Variants in MARK3 observed in about 807,000 individuals in gnomAD.
MARK3 encodes microtubule affinity regulating kinase 3.
Under a neutral mutation model 90.1 loss-of-function variants are expected in MARK3, and 46 were observed. The observed-to-expected ratio is 0.51, with a 90% CI of 0.40 to 0.65. The LOEUF is 0.65. Ranked by LOEUF, MARK3 falls within the 30% of genes least tolerant of loss-of-function variation. The pLI is 0.00. For synonymous variants in MARK3, 321 were observed against 332.6 expected, an observed-to-expected ratio of 0.97 and a Z score of 0.38; for missense variants, 818 against 947.2, an observed-to-expected ratio of 0.86 and a Z score of 1.79.
intron 13 of MARK3, among the ~76,000 whole-genome samples, chr14:103,479,029 T>C (rs1034505528): frequency 2.0e-5 from 3 of 152,210 alleles, no homozygotes; most frequent in African/African-American, 7.2e-5. Context: ...TCTTTCCTTC[T>C]TTCTTGGGGA....
chr14:103,493,772 G>A (rs1035277049), intron 15 of MARK3, among the ~76,000 whole-genome samples: 1 of 151,294 alleles, frequency 6.6e-6, no homozygotes, highest in Non-Finnish European at 1.5e-5. Flanking sequence ...CTACCCAGGA[G>A]GCTGAGACAG....
intron 14 of MARK3, among the ~76,000 whole-genome samples, chr14:103,481,758 T>TC (rs2093825317): frequency 4.2e-4 from 4 of 9,464 alleles, no homozygotes; most frequent in Non-Finnish European, 7.2e-4. Context: ...TAGGTATTTC[T>TC]TTTTTTTTTT....
At chr14:103,387,474 ATTTG>A (rs145363844) in intron 1 of MARK3, among the ~76,000 whole-genome samples, 42,856 of 151,620 alleles carry the variant, frequency 0.28, 7,156 homozygotes, top group Non-Finnish European at 0.36. Context: ...AACCTTATTT[ATTTG>A]TTTATTTATT....
chr14:103,486,399 A>G (rs2093929943), intron 14 of MARK3, among the ~76,000 whole-genome samples: 1 of 152,142 alleles, frequency 6.6e-6, no homozygotes, highest in Admixed American at 6.5e-5. Context: ...AGATCACACC[A>G]TTGTATTCCA....
At chr14:103,412,850 T>C (rs2065018) in intron 2 of MARK3, 102,479 of 329,144 alleles carry the variant, frequency 0.31, 18,411 homozygotes, top group East Asian at 0.38. Context: ...ATTTTAATGA[T>C]GCCAAGTCTT....
chr14:103,479,309 A>T (rs1199095788), intron 13 of MARK3, among the ~76,000 whole-genome samples: 1 of 152,164 alleles, frequency 6.6e-6, no homozygotes, highest in Non-Finnish European at 1.5e-5. Context: ...CTGGGATTAT[A>T]GGTGTTAGCC....
At chr14:103,388,947 C>G (rs1369725450) in intron 1 of MARK3, among the ~76,000 whole-genome samples, 1 of 152,048 alleles carries the variant, frequency 6.6e-6, no homozygotes, top group East Asian at 1.9e-4. Context: ...GCTATTGTGA[C>G]TAGAACAGTT....
chr14:103,467,684 A>AAAAAAAAC, intron 11 of MARK3: 1 of 156,978 alleles, frequency 6.4e-6, no homozygotes, highest in Non-Finnish European at 1.4e-5. Flanking sequence ...CAAAAAAAAA[A>AAAAAAAAC]AAAAAAAAAA....
At chr14:103,468,492 G>A (rs1175358674) in intron 12 of MARK3, among the ~76,000 whole-genome samples, 2 of 151,130 alleles carry the variant, frequency 1.3e-5, no homozygotes, top group East Asian at 3.9e-4. Context: ...GCCTGGCTAA[G>A]TTTTGTATTT....
chr14:103,499,931 G>A, intron 16 of MARK3: 1 of 565,324 alleles, frequency 1.8e-6, no homozygotes, highest in Non-Finnish European at 3.2e-6. Context: ...GCAGTGTGCA[G>A]CATGGAGCTG....
intron 16 of MARK3, 128 bp from the exon 17 acceptor site, chr14:103,500,028 G>T (rs768682063): frequency 1.4e-6 from 1 of 737,352 alleles, no homozygotes; most frequent in Non-Finnish European, 2.4e-6. Context: ...AGCCCGGCTG[G>T]TGTTTAAAAC....
chr14:103,442,051 G>A (rs2092869855), intron 3 of MARK3, among the ~76,000 whole-genome samples: 1 of 152,028 alleles, frequency 6.6e-6, no homozygotes, highest in Non-Finnish European at 1.5e-5. Context: ...GTAAGTAGGG[G>A]GAAAAGGTAC....
At chr14:103,459,239 C>T (rs1469984870) in intron 6 of MARK3, among the ~76,000 whole-genome samples, 3 of 152,232 alleles carry the variant, frequency 2.0e-5, no homozygotes, top group Non-Finnish European at 2.9e-5. Flanking sequence ...CAAGAGCTTA[C>T]TAACCTAAAT....
intron 5 of MARK3, among the ~76,000 whole-genome samples, chr14:103,452,511 G>A (rs71417861): frequency 1.0e-5 from 1 of 97,736 alleles, no homozygotes; most frequent in African/African-American, 3.1e-5. Context: ...TCGCTCTGTC[G>A]CCCAGGCTGG....
At chr14:103,493,374 G>A (rs1046274153) in intron 15 of MARK3, among the ~76,000 whole-genome samples, 2 of 149,164 alleles carry the variant, frequency 1.3e-5, no homozygotes, top group Admixed American at 1.4e-4. Flanking sequence ...ACATCCATTA[G>A]CATTAACTAG....
chr14:103,458,601 C>T (rs1046083233), intron 6 of MARK3: 12 of 476,312 alleles, frequency 2.5e-5, no homozygotes, highest in East Asian at 2.0e-4. Context: ...CTGATTTAGA[C>T]GAAGGAAAGG....
intron 16 of MARK3, 134 bp from the exon 17 acceptor site, chr14:103,500,022 C>T (rs758400712): frequency 5.6e-5 from 40 of 719,596 alleles, no homozygotes; most frequent in South Asian, 1.2e-4. Flanking sequence ...TTCATAAGCC[C>T]GGCTGGTGTT....
At position 103,430,889 on chromosome 14, in the gene MARK3, T is replaced by G. The variant is rs149228703; in HGVS notation, c.297+2449T>G. 2.9e-3 allele frequency among the ~76,000 whole-genome samples: 438 copies of G among 152,276 alleles called. 2 individuals carry two copies. Among genetic ancestry groups the G allele is most frequent in the African/African-American group, 9.4e-3 (391 of 41,554 alleles). On this transcript the variant is annotated intron_variant, in intron 3 of 17. Transcript: ENST00000429436. ...TTTTTCTCCATTGTTTTTTAAGAGA[T>G]GGGTCTTGCTCTGTTGTCCAGGCTG... is the stretch of plus-strand genomic sequence containing the variant.
At chr14:103,458,770 A>G (rs780531793) in intron 6 of MARK3, 3 of 728,036 alleles carry the variant, frequency 4.1e-6, no homozygotes, top group Non-Finnish European at 2.5e-6. Context: ...GTCTCCTTTG[A>G]TTTGCTTAGT....
Sources: allele counts gnomAD v4.1 joint callset (sites outside exome capture counted in the v4.1 genomes callset), GRCh38; gene constraint gnomAD v4.1.1; transcripts MANE v1.5; gene names NCBI Gene and HGNC (gene_info 2026-07-23, HGNC 2026-07-21).